Variants in MAP3K5 observed in about 807,000 individuals in gnomAD.
The protein encoded by MAP3K5 is ASK-1.
MAP3K5 carries 56 observed loss-of-function variants against 158.7 expected under a neutral mutation model. The ratio of observed to expected loss-of-function variants is 0.35; its 90% confidence interval spans 0.28 to 0.44. The LOEUF is 0.44. Ranked by LOEUF, MAP3K5 falls within the 20% of genes least tolerant of loss-of-function variation. MAP3K5 has a pLI of 1.00. For missense variants in MAP3K5, 1,294 were observed against 1,674.8 expected (o/e 0.77, Z 3.97); for synonymous variants, 579 against 601.7 (o/e 0.96, Z 0.55).
rs1776412751 is a variant in MAP3K5, at chr6:136,613,078, G to A, written c.2415+42C>T. On this transcript the variant is annotated intron_variant, in intron 17 of 29. Coordinates refer to ENST00000359015, the MANE Select transcript of MAP3K5 (RefSeq NM_005923.4). The surrounding 1 kb of genome is among the most constrained non-coding windows in gnomAD (Gnocchi z 4.0). ...CTTTTGCAAGTAAAATAATAACCCA[G>A]CAAAGAAAGAACTCATGAAAATGAA... 6.5e-7 allele frequency: 1 copy of A among 1,545,630 alleles called. No homozygotes were observed. The highest frequency in any genetic ancestry group is 8.7e-7 in the Non-Finnish European group (1 of 1,147,554).
chr6:136,747,382 G>T (rs556409943), intron 1 of MAP3K5, among the ~76,000 whole-genome samples: 41 of 152,206 alleles, frequency 2.7e-4, no homozygotes, highest in Non-Finnish European at 5.1e-4. Context: ...CTGTTAGTAC[G>T]GGTGCTGTCT....
chr6:136,647,735 T>A (rs1286699950), intron 11 of MAP3K5: 1 of 152,284 alleles, frequency 6.6e-6, no homozygotes, highest in African/African-American at 2.4e-5. Context: ...ATTCTTCTAA[T>A]CTAGTTTGTC....
intron 1 of MAP3K5, among the ~76,000 whole-genome samples, chr6:136,753,202 T>A (rs1783302050): frequency 6.6e-6 from 1 of 152,226 alleles, no homozygotes; most frequent in Non-Finnish European, 1.5e-5. Context: ...TTTAAGTACT[T>A]TTGTTTTTAA....
At position 136,671,249 on chromosome 6, in the gene MAP3K5, G is replaced by A. The variant is rs918191836; in HGVS notation, c.1254-1854C>T. Among the ~76,000 whole-genome samples, 113 of 152,156 alleles carry A rather than the reference G, an allele frequency of 7.4e-4. 1 individual carries two copies. The highest frequency in any genetic ancestry group is 2.0e-4 in the Admixed American group (3 of 15,262). The stretch of plus-strand genomic sequence containing the variant: ...CGAAATGAATCAATAAATATTGGCT[G>A]AATATCTCCTATGTGCCAAAACCAA... On this transcript the variant is annotated intron_variant, in intron 7 of 29. Coordinates refer to ENST00000359015, the MANE Select transcript of MAP3K5 (RefSeq NM_005923.4).
intron 1 of MAP3K5, among the ~76,000 whole-genome samples, chr6:136,771,388 A>G (rs1216723361): frequency 6.6e-5 from 10 of 152,152 alleles, no homozygotes; most frequent in Non-Finnish European, 1.5e-4. Context: ...ACTAGCTAAA[A>G]CAAAGCCAGA....
intron 1 of MAP3K5, among the ~76,000 whole-genome samples, chr6:136,771,784 T>C (rs1055477372): frequency 6.6e-6 from 1 of 152,232 alleles, no homozygotes; most frequent in Non-Finnish European, 1.5e-5. Flanking sequence ...GGGTCTCGCC[T>C]ACCCTGCAGC....
intron 14 of MAP3K5, among the ~76,000 whole-genome samples, chr6:136,624,862 A>G (rs1279105638): frequency 6.6e-6 from 1 of 152,244 alleles, no homozygotes; most frequent in Non-Finnish European, 1.5e-5. Context: ...CAGAAAAAGA[A>G]TAACATATTG....
rs1215551705 is a variant in MAP3K5 at position 136,632,189 on chromosome 6, G to A, written c.2016+5136C>T. Among the ~76,000 whole-genome samples, 3 of 152,144 alleles carry A rather than the reference G, an allele frequency of 2.0e-5. No individual in the cohort carries two copies. In the South Asian group the frequency reaches 6.2e-4, roughly 32 times the overall value. ...GAAAGGGGAAGCTACAGCCAGAGGG[G>A]GTGAGAATGTTGTATGGTGCAAATA... is the stretch of plus-strand genomic sequence containing the variant. On this transcript the variant is annotated intron_variant, in intron 14 of 29. Transcript: ENST00000359015.
At chr6:136,615,716 T>A (rs1026341698) in intron 15 of MAP3K5, among the ~76,000 whole-genome samples, 6 of 152,184 alleles carry the variant, frequency 3.9e-5, no homozygotes, top group Admixed American at 3.3e-4. Context: ...TATAGATCTA[T>A]ATATAATCTA....
At chr6:136,748,476 C>T (rs1783057348) in intron 1 of MAP3K5, among the ~76,000 whole-genome samples, 1 of 152,030 alleles carries the variant, frequency 6.6e-6, no homozygotes, top group African/African-American at 2.4e-5. Context: ...TGTATGCTCA[C>T]ACAAATATGT....
At chr6:136,618,931 T>C (rs1355794317) in intron 15 of MAP3K5, among the ~76,000 whole-genome samples, 1 of 152,198 alleles carries the variant, frequency 6.6e-6, no homozygotes, top group Non-Finnish European at 1.5e-5. Context: ...GAGAAACAAA[T>C]GGCTGGCTAA....
chr6:136,726,522 G>A (rs1239340150), intron 1 of MAP3K5, among the ~76,000 whole-genome samples: 1 of 152,140 alleles, frequency 6.6e-6, no homozygotes. Context: ...GAACCTTGGA[G>A]GCAGAGGCTG....
At chr6:136,731,142 G>C (rs976452457) in intron 1 of MAP3K5, among the ~76,000 whole-genome samples, 1 of 152,142 alleles carries the variant, frequency 6.6e-6, no homozygotes, top group Non-Finnish European at 1.5e-5. Context: ...ATGGCTAAAG[G>C]GGGCTTGAAG....
At chr6:136,705,472 T>C (rs925493067) in intron 2 of MAP3K5, among the ~76,000 whole-genome samples, 12 of 152,042 alleles carry the variant, frequency 7.9e-5, no homozygotes, top group African/African-American at 2.9e-4. Flanking sequence ...CCAGCTAATT[T>C]TAGTAATTGT....
intron 1 of MAP3K5, among the ~76,000 whole-genome samples, chr6:136,755,047 TCTC>T (rs1783412896): frequency 6.6e-6 from 1 of 151,942 alleles, no homozygotes. Flanking sequence ...GCCCATCTGG[TCTC>T]CTAACGCATG....
At chr6:136,589,028 T>A (rs560350018) in intron 23 of MAP3K5, among the ~76,000 whole-genome samples, 5 of 152,190 alleles carry the variant, frequency 3.3e-5, no homozygotes, top group Non-Finnish European at 2.9e-5. Flanking sequence ...TTCTATGAGA[T>A]CTAAAGAGGT....
intron 25 of MAP3K5, among the ~76,000 whole-genome samples, chr6:136,577,548 G>T (rs924686437): frequency 1.3e-5 from 2 of 152,204 alleles, no homozygotes; most frequent in Non-Finnish European, 2.9e-5. Context: ...TAAAAAATGT[G>T]CCTTGTTCTG....
chr6:136,727,956 C>T (rs1203338764), intron 1 of MAP3K5, among the ~76,000 whole-genome samples: 2 of 137,782 alleles, frequency 1.5e-5, no homozygotes, highest in East Asian at 2.1e-4. Context: ...AGCGAGACTC[C>T]GCCTCAAAGA....
At chr6:136,624,240 C>T (rs989901398) in intron 14 of MAP3K5, among the ~76,000 whole-genome samples, 2 of 151,998 alleles carry the variant, frequency 1.3e-5, no homozygotes, top group South Asian at 2.1e-4. Flanking sequence ...ACAAACTTAA[C>T]GTTAATACTG....
Sources: gnomAD v4.1 joint callset for allele counts (sites outside exome capture counted in the v4.1 genomes callset) on GRCh38, gnomAD v4.1.1 for gene constraint, Gnocchi (gnomAD v3.1) non-coding constraint, MANE v1.5 for transcripts, NCBI Gene and HGNC (gene_info 2026-07-23, HGNC 2026-07-21) for gene names.